The following DLG2 variants were observed in gnomAD, a reference collection of about 807,000 sequenced individuals.
The protein encoded by DLG2 is discs large MAGUK scaffold protein 2.
A neutral mutation model predicts 132.5 loss-of-function variants in DLG2; 45 were observed. That is an observed-to-expected ratio of 0.34 (90% confidence interval 0.27 to 0.44). DLG2 has a LOEUF of 0.44. DLG2 is among the 20% of genes least tolerant of loss of function. The pLI is 1.00. For missense variants in DLG2, 1,045 were observed against 1,196.9 expected, an observed-to-expected ratio of 0.87 and a Z score of 1.87; for synonymous variants, 424 against 419.6, an observed-to-expected ratio of 1.01 and a Z score of -0.13.
At chr11:85,239,889 G>C (rs1393143114) in intron 4 of DLG2, among the ~76,000 whole-genome samples, 1 of 151,938 alleles carries the variant, frequency 6.6e-6, no homozygotes, top group East Asian at 1.9e-4. Context: ...TACAAAATCT[G>C]TAAGAAGTTT....
chr11:83,646,731 G>A (rs1051416892), intron 18 of DLG2: 8 of 152,148 alleles, frequency 5.3e-5, no homozygotes, highest in African/African-American at 1.7e-4. Context: ...TGACTTCCTC[G>A]GGGCAACCTC....
At chr11:84,986,206 A>G (rs1398448727) in intron 6 of DLG2, among the ~76,000 whole-genome samples, 1 of 152,094 alleles carries the variant, frequency 6.6e-6, no homozygotes, top group Non-Finnish European at 1.5e-5. Flanking sequence ...AAACCTAGAG[A>G]TGGATAAATT....
chr11:85,331,916 A>G (rs115231682), intron 3 of DLG2, among the ~76,000 whole-genome samples: 267 of 152,298 alleles, frequency 1.8e-3, no homozygotes, highest in African/African-American at 6.1e-3. Context: ...AAATAGTGCT[A>G]CAATAAACAT....
chr11:84,745,094 A>T (rs948888), intron 6 of DLG2, among the ~76,000 whole-genome samples: 8 of 151,684 alleles, frequency 5.3e-5, no homozygotes, highest in Non-Finnish European at 1.0e-4. Flanking sequence ...ACTATTCTTG[A>T]ATCCATGAAA....
chr11:85,493,807 G>A (rs2093614706), intron 3 of DLG2, among the ~76,000 whole-genome samples: 1 of 146,502 alleles, frequency 6.8e-6, no homozygotes, highest in African/African-American at 2.5e-5. Flanking sequence ...AAGGAGGGAA[G>A]GAGGGAGGAA....
intron 4 of DLG2, among the ~76,000 whole-genome samples, chr11:85,195,754 C>T (rs2081012089): frequency 6.6e-6 from 1 of 151,996 alleles, no homozygotes; most frequent in South Asian, 2.1e-4. Flanking sequence ...TCTCGATCTT[C>T]TGACCTCGTG....
chr11:83,672,938 T>G (rs969168359), intron 18 of DLG2, among the ~76,000 whole-genome samples: 9 of 152,188 alleles, frequency 5.9e-5, no homozygotes, highest in African/African-American at 2.2e-4. Context: ...GGCACACACC[T>G]GTAGTCCTAG....
chr11:83,474,660 T>C (rs936485056), intron 22 of DLG2, among the ~76,000 whole-genome samples: 10 of 152,102 alleles, frequency 6.6e-5, no homozygotes, highest in African/African-American at 2.2e-4. Context: ...ATTGAGTGCT[T>C]AACATAAAGA....
At chr11:85,409,298 C>T (rs561699407) in intron 3 of DLG2, among the ~76,000 whole-genome samples, 3 of 151,876 alleles carry the variant, frequency 2.0e-5, no homozygotes, top group Admixed American at 2.0e-4. Context: ...TAATCTGGTT[C>T]ACACAAGGTT....
intron 4 of DLG2, among the ~76,000 whole-genome samples, chr11:85,225,569 T>G (rs993242092): frequency 6.6e-6 from 1 of 152,104 alleles, no homozygotes. Context: ...CTTTTGTACT[T>G]TCCCTTTGCT....
Position 85,456,417 on chromosome 11 carries a change from C to T in DLG2, c.40+142240G>A, listed in dbSNP as rs561499944. On this transcript the variant is annotated intron_variant, in intron 3 of 27. Coordinates refer to ENST00000376104, the MANE Select transcript of DLG2 (RefSeq NM_001142699.3). Reference sequence around the variant, plus strand: ...CTTACTTATTCTTTCAAAAAACAAACTCCTGGATTTATTGATCTTTTGTAT... The same window carrying T: ...CTTACTTATTCTTTCAAAAAACAAATTCCTGGATTTATTGATCTTTTGTAT... Among the ~76,000 whole-genome samples, 4 of 152,168 alleles carry T rather than the reference C, an allele frequency of 2.6e-5. No homozygotes were observed. The East Asian group carries it at 7.7e-4, about 29-fold the overall frequency.
chr11:83,617,086 G>T (rs1206448109), intron 19 of DLG2, among the ~76,000 whole-genome samples: 1 of 151,984 alleles, frequency 6.6e-6, no homozygotes, highest in East Asian at 1.9e-4. Context: ...TAAATTCTCT[G>T]ACTTCATTTT....
chr11:84,667,236 T>A (rs2099700606), intron 6 of DLG2, among the ~76,000 whole-genome samples: 1 of 152,116 alleles, frequency 6.6e-6, no homozygotes, highest in African/African-American at 2.4e-5. Context: ...ATAGAAACAT[T>A]AGACCATCAA....
Position 83,774,708 on chromosome 11 carries a change from G to A in DLG2, c.1825+11982C>T, listed in dbSNP as rs150040653. 1.1e-4 allele frequency among the ~76,000 whole-genome samples: 16 copies of A among 152,228 alleles called. No homozygotes were observed. In the East Asian group the frequency reaches 2.5e-3, roughly 24 times the overall value. ...TGCAAAGGGCTGATTAGAGCAAAGG[G>A]CAGCACAATGCTCACTCAAATATGT... On this transcript the variant is annotated intron_variant, in intron 18 of 27. Transcript: ENST00000376104.
intron 3 of DLG2, among the ~76,000 whole-genome samples, chr11:85,312,327 T>G (rs1000193315): frequency 6.6e-6 from 1 of 151,424 alleles, no homozygotes; most frequent in Non-Finnish European, 1.5e-5. Context: ...ATTCTAAAAA[T>G]GACATCTCTC....
intron 6 of DLG2, among the ~76,000 whole-genome samples, chr11:84,832,954 A>G (rs1280000848): frequency 6.6e-6 from 1 of 151,624 alleles, no homozygotes; most frequent in Non-Finnish European, 1.5e-5. Flanking sequence ...TATATCACCT[A>G]AAGATGAAGA....
At chr11:84,814,731 C>G (rs187729606) in intron 6 of DLG2, among the ~76,000 whole-genome samples, 1 of 152,116 alleles carries the variant, frequency 6.6e-6, no homozygotes, top group Non-Finnish European at 1.5e-5. Context: ...GCCAACTTCA[C>G]TCATTCATTA....
At chr11:83,459,947 C>T (rs775596529) in intron 27 of DLG2, 23 bp from the exon 28 acceptor site, 14 of 1,320,428 alleles carry the variant, frequency 1.1e-5, no homozygotes, top group Non-Finnish European at 8.7e-6. Context: ...CAAACACACC[C>T]AGAATTAGAA....
chr11:83,960,401 G>A (rs12288916), intron 14 of DLG2, among the ~76,000 whole-genome samples: 20,430 of 151,966 alleles, frequency 0.13, 1,718 homozygotes, highest in African/African-American at 0.22. Flanking sequence ...GAATTTTACA[G>A]ATAGTTAACA....
Sources: allele counts gnomAD v4.1 joint callset (sites outside exome capture counted in the v4.1 genomes callset), GRCh38; gene constraint gnomAD v4.1.1; transcripts MANE v1.5; gene names NCBI Gene and HGNC (gene_info 2026-07-23, HGNC 2026-07-21).